The following BLM variants were observed in gnomAD, a reference collection of about 807,000 sequenced individuals.
BLM encodes BLM RecQ like helicase, also known as recQ-like DNA helicase BLM.
Under a neutral mutation model 135.3 loss-of-function variants are expected in BLM, and 95 were observed. That is an observed-to-expected ratio of 0.70 (90% CI 0.59 to 0.83). The LOEUF (loss-of-function observed/expected upper bound fraction) is 0.83. Among genes scored for constraint, BLM ranks in the 40% least tolerant of loss-of-function variants. The pLI, the probability that BLM is intolerant of heterozygous loss-of-function variation, is 0.00. For synonymous variants in BLM, 520 were observed against 589.2 expected (o/e 0.88, Z 1.70); for missense variants, 1,518 against 1,663.9 (o/e 0.91, Z 1.53).
At position 90,749,347 on chromosome 15, in the gene BLM, G is replaced by A. The variant is rs1306363184; in HGVS notation, c.99-20G>A. Reference sequence around the variant, plus strand: ...TCTTAAAATGGATCCATCTAATCTAGTTTTTCCATTATTTTTCAGAGGTTT... The same window carrying A: ...TCTTAAAATGGATCCATCTAATCTAATTTTTCCATTATTTTTCAGAGGTTT... On this transcript the variant is annotated intron_variant, in intron 2 of 21. Transcript: ENST00000355112. 1.3e-6 allele frequency: 2 copies of A among 1,562,352 alleles called. No homozygotes were observed. The highest frequency in any genetic ancestry group is 8.8e-7 in the Non-Finnish European group (1 of 1,137,014).
chr15:90,792,496 C>A (rs192322657), intron 15 of BLM, among the ~76,000 whole-genome samples: 1 of 152,128 alleles, frequency 6.6e-6, no homozygotes, highest in Non-Finnish European at 1.5e-5. Flanking sequence ...TATATCACCT[C>A]ATTACCTTAT....
Position 90,761,272 on chromosome 15 carries a change from T to G in BLM, c.1882+17T>G. The G allele has an allele frequency of 6.8e-7, 1 of 1,474,420 alleles. No homozygotes were observed. The allele number at this position is 1,474,420 out of a possible 1,614,324, so 91.3% of individuals were successfully genotyped here. ...ATTATACTGGTAAGTTTAAAATAAA[T>G]TGAATGCTTATATGAAAACAAAACT... On this transcript the variant is annotated intron_variant, in intron 7 of 21. Coordinates refer to ENST00000355112, the MANE Select transcript of BLM (RefSeq NM_000057.4).
At chr15:90,799,006 C>T (rs72751872) in intron 17 of BLM, among the ~76,000 whole-genome samples, 1 of 143,476 alleles carries the variant, frequency 7.0e-6, no homozygotes, top group African/African-American at 2.6e-5. Flanking sequence ...TAAACAAACA[C>T]ACACAAAAAT....
chr15:90,747,830 C>T (rs1383246666), intron 2 of BLM, among the ~76,000 whole-genome samples: 2 of 152,082 alleles, frequency 1.3e-5, no homozygotes, highest in Non-Finnish European at 1.5e-5. Context: ...TCTTTTGAGA[C>T]GGAGTCTCGC....
At chr15:90,788,471 G>GTTTTTTTTTTTT (rs35158343) in intron 14 of BLM, among the ~76,000 whole-genome samples, 11 of 95,006 alleles carry the variant, frequency 1.2e-4, no homozygotes, top group Non-Finnish European at 1.6e-4. Flanking sequence ...CCAGTGTTTT[G>GTTTTTTTTTTTT]TTTTTTTTTT....
Position 90,811,505 on chromosome 15 carries a change from CATT to C in BLM, c.4076+104_4076+106del, listed in dbSNP as rs1897420913. The C allele has an allele frequency of 7.6e-6, 10 of 1,320,794 alleles. No individual in the cohort carries two copies. In the Middle Eastern group the frequency reaches 1.6e-3, roughly 215 times the overall value. 81.8% of individuals were successfully genotyped at this position (1,320,794 alleles called of 1,614,324 possible). A position where few individuals can be genotyped will look rare whatever the true frequency, so the allele number is the denominator to read the frequency against. On this transcript the variant is annotated intron_variant, in intron 21 of 21. Transcript: ENST00000355112. Reference sequence around the variant, plus strand: ...CTTTGAAGGATTTATTAAAATAAGCCATTATTAAATATTGCTAATGGAATGACA... The same window carrying C: ...CTTTGAAGGATTTATTAAAATAAGCCATTAAATATTGCTAATGGAATGACA...
intron 21 of BLM, 109 bp from the exon 22 acceptor site, chr15:90,814,993 A>C (rs1024110012): frequency 1.1e-4 from 122 of 1,125,618 alleles, no homozygotes; most frequent in Non-Finnish European, 1.5e-4. Flanking sequence ...ATGCACAAGG[A>C]CACATTAGGC....
At chr15:90,758,724 GTCTT>G (rs1219405218) in intron 5 of BLM, among the ~76,000 whole-genome samples, 2 of 152,006 alleles carry the variant, frequency 1.3e-5, no homozygotes, top group Non-Finnish European at 2.9e-5. Flanking sequence ...TTTGAAATCT[GTCTT>G]TCTTTATAAG....
At position 90,749,702 on chromosome 15, in the gene BLM, C is replaced by A. The variant is rs1895616094; in HGVS notation, c.434C>A (p.Pro145Gln). The A allele has an allele frequency of 6.2e-7, 1 of 1,614,098 alleles. No individual in the cohort carries two copies. Among genetic ancestry groups the A allele is most frequent in the Non-Finnish European group, 8.5e-7 (1 of 1,179,986 alleles). ...ALKKLEFSSS[P>Q]DSLSTINDWD... is the part of the protein sequence containing the mutation. ...AAGAAATTAGAATTTAGTTCTTCACCAGATTCTTTAAGTACCATCAATGAT... is the reference window on the plus strand; with the variant it reads ...AAGAAATTAGAATTTAGTTCTTCACAAGATTCTTTAAGTACCATCAATGAT... Residue 145 changes from proline to glutamine, a missense_variant, in exon 3 of 22, where the codon CCA becomes CAA. Coordinates refer to ENST00000355112, the MANE Select transcript of BLM (RefSeq NM_000057.4).
intron 1 of BLM, among the ~76,000 whole-genome samples, chr15:90,721,060 A>G (rs911091300): frequency 1.3e-5 from 2 of 152,150 alleles, no homozygotes; most frequent in African/African-American, 4.8e-5. Flanking sequence ...TAAATAAATT[A>G]TTTATTTTAG....
At chr15:90,736,126 G>C (rs1411771146) in intron 1 of BLM, among the ~76,000 whole-genome samples, 1 of 152,206 alleles carries the variant, frequency 6.6e-6, no homozygotes, top group Non-Finnish European at 1.5e-5. Context: ...AAGCCCCATT[G>C]GTGAGGCTGT....
chr15:90,742,206 A>T (rs1895381166), intron 1 of BLM, among the ~76,000 whole-genome samples: 1 of 152,166 alleles, frequency 6.6e-6, no homozygotes, highest in Non-Finnish European at 1.5e-5. Context: ...TTAAAAAAAT[A>T]CAAAAAGTAG....
intron 9 of BLM, among the ~76,000 whole-genome samples, chr15:90,765,910 C>T (rs1896113041): frequency 6.6e-6 from 1 of 152,094 alleles, no homozygotes; most frequent in African/African-American, 2.4e-5. Context: ...GCCAAGAATT[C>T]AAGACCAGCC....
At chr15:90,814,206 G>A (rs1351055064) in intron 21 of BLM, among the ~76,000 whole-genome samples, 1 of 152,158 alleles carries the variant, frequency 6.6e-6, no homozygotes, top group African/African-American at 2.4e-5. Context: ...CAATTCAGAC[G>A]GGAGGCTACT....
At position 90,794,323 on chromosome 15, in the gene BLM, C is replaced by G; in HGVS notation, c.3176C>G (p.Pro1059Arg). The G allele has an allele frequency of 1.9e-6, 3 of 1,603,714 alleles. No homozygotes were observed. The highest frequency in any genetic ancestry group is 2.6e-6 in the Non-Finnish European group (3 of 1,175,194). Residue 1059 changes from proline to arginine, a missense_variant, in exon 16 of 22, where the codon CCA becomes CGA. Transcript: ENST00000355112. Reference sequence around the variant, plus strand: ...AATCCTGATTTTTGTAAGAAACACCCAGATGTTTCTTGTGATAATTGCTGT... The same window carrying G: ...AATCCTGATTTTTGTAAGAAACACCGAGATGTTTCTTGTGATAATTGCTGT... ...GFNPDFCKKH[P>R]DVSCDNCCKT...
intron 1 of BLM, among the ~76,000 whole-genome samples, chr15:90,731,897 A>G (rs1182324620): frequency 6.6e-6 from 1 of 152,082 alleles, no homozygotes; most frequent in African/African-American, 2.4e-5. Flanking sequence ...ATGAGGTTTC[A>G]CCATGTTGCC....
At chr15:90,787,295 C>T (rs112868764) in intron 14 of BLM, among the ~76,000 whole-genome samples, 21,420 of 151,734 alleles carry the variant, frequency 0.14, 1,595 homozygotes, top group East Asian at 0.18. Flanking sequence ...CCTCGTGATC[C>T]GCCCGCCTCG....
At chr15:90,813,500 T>A (rs28385171) in intron 21 of BLM, among the ~76,000 whole-genome samples, 51 of 152,226 alleles carry the variant, frequency 3.4e-4, no homozygotes, top group Non-Finnish European at 6.9e-4. Context: ...TTCAAGCTAT[T>A]CTCCTGCCTC....
intron 1 of BLM, among the ~76,000 whole-genome samples, chr15:90,721,801 C>T (rs1039721205): frequency 1.3e-5 from 2 of 151,700 alleles, no homozygotes; most frequent in African/African-American, 4.8e-5. Flanking sequence ...CATGGTGGCA[C>T]ATGCCTGTAA....
Sources: gnomAD v4.1 joint callset for allele counts (sites outside exome capture counted in the v4.1 genomes callset) on GRCh38, gnomAD v4.1.1 for gene constraint, MANE v1.5 for transcripts, NCBI Gene and HGNC (gene_info 2026-07-23, HGNC 2026-07-21) for gene names.